Variants in NCKAP1L observed in about 807,000 individuals in gnomAD.
NCKAP1L encodes NCK associated protein 1 like.
A neutral mutation model predicts 139.2 loss-of-function variants in NCKAP1L; 53 were observed. That is an observed-to-expected ratio of 0.38 (90% confidence interval 0.31 to 0.48). The LOEUF (loss-of-function observed/expected upper bound fraction) is 0.48, where lower values mean the gene tolerates loss of function less well. NCKAP1L is among the 20% of genes least tolerant of loss of function. The pLI, the probability that NCKAP1L is intolerant of heterozygous loss-of-function variation, is 0.98. For missense variants in NCKAP1L, 1,151 were observed against 1,381.9 expected (o/e 0.83, Z 2.65); for synonymous variants, 468 against 499.7 (o/e 0.94, Z 0.85).
intron 3 of NCKAP1L, chr12:54,500,872 C>A: frequency 3.3e-6 from 1 of 303,874 alleles, no homozygotes; most frequent in Non-Finnish European, 6.1e-6. Flanking sequence ...AAGATCTGGA[C>A]TATTTTACAT....
chr12:54,542,715 T>G lies in NCKAP1L; in HGVS notation c.*30T>G. 1.3e-6 allele frequency: 2 copies of G among 1,516,072 alleles called. No homozygotes were observed. The highest frequency in any genetic ancestry group is 1.8e-6 in the Non-Finnish European group (2 of 1,090,692). 93.9% of individuals were successfully genotyped at this position (1,516,072 alleles called of 1,614,324 possible). A position where few individuals can be genotyped will look rare whatever the true frequency, so the allele number is the denominator to read the frequency against. On this transcript the variant is annotated 3_prime_UTR_variant, in exon 31 of 31. Transcript: ENST00000293373. ...CTGCCAGTACCCACTGAAGAGCCCT[T>G]TGGACCTTCCTAAACCCTTGCCATA...
rs1957190720 is a variant in NCKAP1L, at chr12:54,545,577, AAT to A, written c.*2893_*2894del. 1 of 152,212 alleles carries A rather than the reference AAT, an allele frequency of 6.6e-6. No individual in the cohort carries two copies. Among genetic ancestry groups the A allele is most frequent in the African/African-American group, 2.4e-5 (1 of 41,452 alleles). 9.4% of individuals were successfully genotyped at this position (152,212 alleles called of 1,614,324 possible). A position where few individuals can be genotyped will look rare whatever the true frequency, so the allele number is the denominator to read the frequency against. ...AACAGGACCCATCAGCATTTCAGGC[AAT>A]TTGCTTCCTTTACCAGGAGGGTCTC... is the stretch of plus-strand genomic sequence containing the variant. On this transcript the variant is annotated 3_prime_UTR_variant, in exon 31 of 31. Coordinates refer to ENST00000293373, the MANE Select transcript of NCKAP1L (RefSeq NM_005337.5).
At chr12:54,497,926 C>T (rs752215953) in intron 1 of NCKAP1L, 35 bp downstream of exon 1, 31 of 1,356,112 alleles carry the variant, frequency 2.3e-5, no homozygotes, top group Non-Finnish European at 3.2e-5. Context: ...ACTGATTATT[C>T]CAACAATAAT....
intron 3 of NCKAP1L, 125 bp from the exon 4 acceptor site, chr12:54,507,728 C>A: frequency 1.2e-6 from 1 of 854,490 alleles, no homozygotes. Context: ...TTCACAGTGA[C>A]TTTTCTCTGT....
chr12:54,521,760 C>T (rs1236309919), intron 18 of NCKAP1L, among the ~76,000 whole-genome samples: 1 of 152,102 alleles, frequency 6.6e-6, no homozygotes, highest in African/African-American at 2.4e-5. Flanking sequence ...ATAATTAGTT[C>T]AACCTAAATT....
chr12:54,508,928 G>A (rs1424604164), intron 5 of NCKAP1L, among the ~76,000 whole-genome samples: 1 of 152,188 alleles, frequency 6.6e-6, no homozygotes, highest in Non-Finnish European at 1.5e-5. Context: ...AGAGACAACT[G>A]TGGCTAACTC....
chr12:54,501,369 T>A (rs1322604659), intron 3 of NCKAP1L, among the ~76,000 whole-genome samples: 1 of 152,174 alleles, frequency 6.6e-6, no homozygotes, highest in Non-Finnish European at 1.5e-5. Flanking sequence ...GACACTTAGG[T>A]TGCTTCCAAG....
intron 26 of NCKAP1L, among the ~76,000 whole-genome samples, chr12:54,533,789 C>G (rs1469543216): frequency 6.6e-6 from 1 of 152,158 alleles, no homozygotes; most frequent in African/African-American, 2.4e-5. Flanking sequence ...AGGCTTGTCT[C>G]CAACTCCTGG....
intron 22 of NCKAP1L, among the ~76,000 whole-genome samples, chr12:54,530,731 C>T (rs1957061658): frequency 6.6e-6 from 1 of 152,200 alleles, no homozygotes; most frequent in Non-Finnish European, 1.5e-5. Flanking sequence ...GATGATCCTT[C>T]CTATGCCACA....
chr12:54,531,904 A>T (rs1416954233), intron 25 of NCKAP1L, 79 bp downstream of exon 25: 1 of 1,231,702 alleles, frequency 8.1e-7, no homozygotes, highest in Admixed American at 1.9e-5. Flanking sequence ...TTGTGGAAGT[A>T]TTGCGGGAAT....
chr12:54,536,422 G>A, intron 28 of NCKAP1L, 177 bp downstream of exon 28: 2 of 515,900 alleles, frequency 3.9e-6, no homozygotes, highest in South Asian at 2.0e-5. Flanking sequence ...CACTTTGGGA[G>A]GCCAAGGTGA....
chr12:54,505,860 C>T (rs977301148), intron 3 of NCKAP1L, among the ~76,000 whole-genome samples: 22 of 152,136 alleles, frequency 1.4e-4, no homozygotes, highest in Non-Finnish European at 2.8e-4. Flanking sequence ...CGGGGTTTCT[C>T]CATGTTGGTC....
chr12:54,520,678 T>G lies in NCKAP1L; in HGVS notation c.1626-16T>G, dbSNP rs1956974662. 6.2e-7 allele frequency: 1 copy of G among 1,614,010 alleles called. No homozygotes were observed. On this transcript the variant is annotated splice_polypyrimidine_tract_variant and intron_variant, in intron 16 of 30. Transcript: ENST00000293373. The stretch of plus-strand genomic sequence containing the variant: ...AGGACTAAATCTTGATTTAAAGTCT[T>G]CCCGTTTCTCTGCAGCTTTCATCTT...
chr12:54,537,729 T>C (rs956777801), intron 29 of NCKAP1L, among the ~76,000 whole-genome samples: 4 of 152,190 alleles, frequency 2.6e-5, no homozygotes, highest in Admixed American at 6.5e-5. Context: ...CTGAATAATG[T>C]GCATTTCTGT....
chr12:54,507,790 TC>T, intron 3 of NCKAP1L, 62 bp from the exon 4 acceptor site: 1 of 1,478,470 alleles, frequency 6.8e-7, no homozygotes, highest in East Asian at 2.3e-5. Context: ...TCCCTCAAGT[TC>T]TGGTAGTACG....
chr12:54,506,030 A>G (rs1349792078), intron 3 of NCKAP1L, among the ~76,000 whole-genome samples: 2 of 152,166 alleles, frequency 1.3e-5, no homozygotes, highest in Non-Finnish European at 2.9e-5. Flanking sequence ...TTACCTGTTG[A>G]TAGACATTTG....
Position 54,508,393 on chromosome 12 carries a change from T to C in NCKAP1L, c.368T>C (p.Leu123Pro). 6.2e-7 allele frequency: 1 copy of C among 1,614,088 alleles called. No individual in the cohort carries two copies. The highest frequency in any genetic ancestry group is 8.5e-7 in the Non-Finnish European group (1 of 1,179,950). The change falls in exon 5 of 31, where the codon CTC becomes CCC. Residue 123 changes from leucine to proline, a missense_variant. Physicochemically the swap from Leu to Pro is moderately conservative, Grantham distance 98. Transcript: ENST00000293373. ...DACQCHFDIN[L>P]NFDFTRSYLD... is the part of the protein sequence containing the mutation. Reference sequence around the variant, plus strand: ...TCCTATGTATTTTCCTTGTAGAATCTCAACTTTGATTTCACTCGGAGTTAC... The same window carrying C: ...TCCTATGTATTTTCCTTGTAGAATCCCAACTTTGATTTCACTCGGAGTTAC...
At chr12:54,518,297 G>C (rs554321378) in intron 13 of NCKAP1L, among the ~76,000 whole-genome samples, 1 of 151,594 alleles carries the variant, frequency 6.6e-6, no homozygotes, top group Non-Finnish European at 1.5e-5. Flanking sequence ...AGCCGAGATC[G>C]CGCCACTGCA....
At chr12:54,533,261 A>G (rs1035193533) in intron 26 of NCKAP1L, among the ~76,000 whole-genome samples, 1 of 152,156 alleles carries the variant, frequency 6.6e-6, no homozygotes, top group African/African-American at 2.4e-5. Flanking sequence ...GGTAGCTCCA[A>G]TCTTTAGGCT....
Sources: allele counts gnomAD v4.1 joint callset (sites outside exome capture counted in the v4.1 genomes callset), GRCh38; gene constraint gnomAD v4.1.1; transcripts MANE v1.5; gene names NCBI Gene and HGNC (gene_info 2026-07-23, HGNC 2026-07-21).